Variants in SLC7A11 observed in about 807,000 individuals in gnomAD.
SLC7A11 encodes the protein cystine/glutamate transporter.
In SLC7A11, 35 loss-of-function variants were observed where a neutral mutation model predicts 54.5. That is an observed-to-expected ratio of 0.64 (90% CI 0.49 to 0.85). The LOEUF is 0.85. Ranked by LOEUF, SLC7A11 falls within the 40% of genes least tolerant of loss-of-function variation. The pLI, the probability that SLC7A11 is intolerant of heterozygous loss-of-function variation, is 0.00. For missense variants in SLC7A11, 583 were observed against 618.1 expected (o/e 0.94, Z 0.60); for synonymous variants, 230 against 225.2 (o/e 1.02, Z -0.19).
chr4:138,236,390 A>G lies in SLC7A11; in HGVS notation c.339T>C (p.Tyr113=), dbSNP rs753132426. 6 of 1,613,274 alleles carry G rather than the reference A, an allele frequency of 3.7e-6. No individual in the cohort carries two copies. The East Asian group carries it at 1.3e-4, about 36-fold the overall frequency. ...GTAATGGACCAAAGACTTCCAAAAT[A>G]TATGTGTAATGACCTCCAGATTTCT... is the stretch of plus-strand genomic sequence containing the variant. ...TIKKSGGHYT[Y]ILEVFGPLPA... Residue 113 remains tyrosine, a synonymous_variant, in exon 2 of 12, where the codon TAT becomes TAC. Transcript: ENST00000280612.
chr4:138,191,145 CT>C (rs1172057962), intron 6 of SLC7A11, among the ~76,000 whole-genome samples: 5 of 152,054 alleles, frequency 3.3e-5, no homozygotes, highest in Non-Finnish European at 5.9e-5. Flanking sequence ...TTTTAAAGGT[CT>C]GTGGTTCATG....
At chr4:138,196,856 C>T (rs1436363743) in intron 6 of SLC7A11, among the ~76,000 whole-genome samples, 1 of 152,026 alleles carries the variant, frequency 6.6e-6, no homozygotes, top group African/African-American at 2.4e-5. Flanking sequence ...GACAGGGTTT[C>T]ACCATGTTGG....
chr4:138,212,622 A>G lies in SLC7A11; in HGVS notation c.791+1963T>C, dbSNP rs188295862. 5.0e-3 allele frequency among the ~76,000 whole-genome samples: 759 copies of G among 151,948 alleles called. 3 individuals are homozygous for G. The highest frequency in any genetic ancestry group is 9.0e-3 in the Non-Finnish European group (607 of 67,808). The stretch of plus-strand genomic sequence containing the variant: ...CTAAGGCCCTTTAATTTAAGAAGAG[A>G]AGGAGACAATCCTTAATTGGAACAC... On this transcript the variant is annotated intron_variant, in intron 6 of 11. Coordinates refer to ENST00000280612, the MANE Select transcript of SLC7A11 (RefSeq NM_014331.4).
chr4:138,216,284 A>T (rs560013639), intron 5 of SLC7A11, among the ~76,000 whole-genome samples: 13 of 152,218 alleles, frequency 8.5e-5, no homozygotes, highest in Non-Finnish European at 1.6e-4. Flanking sequence ...AACAGTACAA[A>T]ATAATCCCAG....
intron 6 of SLC7A11, among the ~76,000 whole-genome samples, chr4:138,198,209 T>A (rs1737187301): frequency 6.6e-6 from 1 of 151,742 alleles, no homozygotes; most frequent in South Asian, 2.1e-4. Context: ...AATTTGCAGA[T>A]CATAATAGCA....
rs1422931526 is a variant in SLC7A11 at position 138,223,421 on chromosome 4, G to A, written c.521-97C>T. On this transcript the variant is annotated intron_variant, in intron 3 of 11. Transcript: ENST00000280612. The stretch of plus-strand genomic sequence containing the variant: ...TCAAAGGGCAATCTGTGAGGCAGCA[G>A]TGTTGACATTACTTAGAAGTGTTTT... The A allele has an allele frequency of 2.3e-6, 3 of 1,283,172 alleles. No individual in the cohort carries two copies. The African/African-American group carries it at 4.5e-5, about 19-fold the overall frequency. 79.5% of individuals were successfully genotyped at this position (1,283,172 alleles called of 1,614,324 possible).
chr4:138,224,621 CT>C (rs1737893233), intron 3 of SLC7A11, among the ~76,000 whole-genome samples: 1 of 151,978 alleles, frequency 6.6e-6, no homozygotes, highest in Non-Finnish European at 1.5e-5. Flanking sequence ...TGGAAATAGC[CT>C]AAACCTCCTA....
intron 6 of SLC7A11, among the ~76,000 whole-genome samples, chr4:138,188,684 C>A (rs146522363): frequency 1.3e-5 from 2 of 152,124 alleles, no homozygotes; most frequent in African/African-American, 4.8e-5. Flanking sequence ...TACTAGTAAC[C>A]CAAGATTAAG....
chr4:138,224,395 C>A (rs1467944157), intron 3 of SLC7A11, among the ~76,000 whole-genome samples: 2 of 152,052 alleles, frequency 1.3e-5, no homozygotes, highest in Non-Finnish European at 2.9e-5. Flanking sequence ...GGTATATTCT[C>A]CCTAAACAAA....
At chr4:138,209,549 C>T (rs902522900) in intron 6 of SLC7A11, among the ~76,000 whole-genome samples, 10 of 151,868 alleles carry the variant, frequency 6.6e-5, no homozygotes, top group Non-Finnish European at 1.3e-4. Flanking sequence ...TTTCAAGATA[C>T]AAAAACCAAT....
At chr4:138,212,880 TA>T (rs967343304) in intron 6 of SLC7A11, among the ~76,000 whole-genome samples, 14 of 152,012 alleles carry the variant, frequency 9.2e-5, no homozygotes, top group African/African-American at 3.4e-4. Context: ...CATTTGCTTA[TA>T]AAAATATTCT....
At chr4:138,196,025 G>T (rs556358160) in intron 6 of SLC7A11, among the ~76,000 whole-genome samples, 1 of 152,226 alleles carries the variant, frequency 6.6e-6, no homozygotes, top group South Asian at 2.1e-4. Context: ...GCAGTGAAGA[G>T]AAAGGGGAAG....
rs36216785 is a variant in SLC7A11, at chr4:138,225,138, C to CTATATATATATATATA, written c.521-1830_521-1815dup. ...TCACTTGATTGAGACAATAATTTCA[C>CTATATATATATATATA]TATATATATATATATATATATATAT... On this transcript the variant is annotated intron_variant, in intron 3 of 11. Transcript: ENST00000280612. Among the ~76,000 whole-genome samples, 662 of 118,166 alleles carry CTATATATATATATATA rather than the reference C, an allele frequency of 5.6e-3. 4 individuals carry two copies. Among genetic ancestry groups the CTATATATATATATATA allele is most frequent in the East Asian group, 0.011 (37 of 3,476 alleles). The allele number at this position is 118,166 out of a possible 152,430, so 77.5% of individuals were successfully genotyped here.
At chr4:138,183,402 C>A in intron 7 of SLC7A11, 97 bp from the exon 8 acceptor site, 1 of 743,054 alleles carries the variant, frequency 1.3e-6, no homozygotes, top group Non-Finnish European at 2.4e-6. Flanking sequence ...TTTCTATTAG[C>A]CTGGTGATAC....
rs367834980 is a variant in SLC7A11, at chr4:138,220,811, A to T, written c.647-1446T>A. 1.9e-3 allele frequency among the ~76,000 whole-genome samples: 292 copies of T among 152,318 alleles called. 2 individuals carry two copies. The highest frequency in any genetic ancestry group is 6.5e-3 in the African/African-American group (270 of 41,584). ...ATGTGTATGAGACACTCTCTCTTCCAAGTCAAATCTCAGTTTTTCCTGCAT... is the reference window on the plus strand; with the variant it reads ...ATGTGTATGAGACACTCTCTCTTCCTAGTCAAATCTCAGTTTTTCCTGCAT... On this transcript the variant is annotated intron_variant, in intron 4 of 11. Transcript: ENST00000280612.
intron 6 of SLC7A11, among the ~76,000 whole-genome samples, chr4:138,211,977 C>T (rs1274034535): frequency 2.0e-5 from 3 of 151,598 alleles, no homozygotes; most frequent in South Asian, 2.1e-4. Flanking sequence ...GTAAAGTAAC[C>T]GTAGTTATCA....
intron 7 of SLC7A11, among the ~76,000 whole-genome samples, chr4:138,184,671 G>C (rs564295724): frequency 1.3e-5 from 2 of 152,006 alleles, no homozygotes; most frequent in African/African-American, 4.8e-5. Context: ...GGATATACTA[G>C]GAAAACCAAA....
rs1268449395 is a variant in SLC7A11 at position 138,166,473 on chromosome 4, A to G, written c.*5483T>C. 6.6e-6 allele frequency: 1 copy of G among 152,568 alleles called. No homozygotes were observed. Among genetic ancestry groups the G allele is most frequent in the East Asian group, 1.9e-4 (1 of 5,190 alleles). The allele number at this position is 152,568 out of a possible 1,614,324, so 9.5% of individuals were successfully genotyped here. ...AGCACGGCCTTCTGAGGCTTTAACA[A>G]GAGGTAATAAGGACTTAGCAAGCAG... On this transcript the variant is annotated 3_prime_UTR_variant, in exon 12 of 12. Coordinates refer to ENST00000280612, the MANE Select transcript of SLC7A11 (RefSeq NM_014331.4).
chr4:138,229,685 G>A (rs959785459), intron 3 of SLC7A11, among the ~76,000 whole-genome samples: 4 of 152,116 alleles, frequency 2.6e-5, no homozygotes, highest in African/African-American at 9.7e-5. Flanking sequence ...AATCCTCAGA[G>A]ATACGAATTT....
Sources: gnomAD v4.1 joint callset for allele counts (sites outside exome capture counted in the v4.1 genomes callset) on GRCh38, gnomAD v4.1.1 for gene constraint, MANE v1.5 for transcripts, NCBI Gene and HGNC (gene_info 2026-07-23, HGNC 2026-07-21) for gene names.